The following ST6GALNAC5 variants were observed in gnomAD, a reference collection of about 807,000 sequenced individuals.
ST6GALNAC5 encodes the protein ST6 N-acetylgalactosaminide alpha-2,6-sialyltransferase 5.
ST6GALNAC5 carries 27 observed loss-of-function variants against 33.6 expected under a neutral mutation model. That is an observed-to-expected ratio of 0.80 (90% CI 0.59 to 1.11). ST6GALNAC5 has a LOEUF of 1.11. ST6GALNAC5 is among the 50% of genes least tolerant of loss of function. The probability of loss-of-function intolerance (pLI) is 0.00; values close to 1 mark genes in which losing one functional copy is unlikely to be tolerated. For synonymous variants in ST6GALNAC5, 194 were observed against 171.2 expected (o/e 1.13, Z -1.04); for missense variants, 428 against 454.0 (o/e 0.94, Z 0.52).
At chr1:77,018,918 C>T (rs1023419747) in intron 2 of ST6GALNAC5, among the ~76,000 whole-genome samples, 2 of 152,166 alleles carry the variant, frequency 1.3e-5, no homozygotes, top group Non-Finnish European at 2.9e-5. Flanking sequence ...TTAACAGATG[C>T]AAATGGCATT....
intron 2 of ST6GALNAC5, among the ~76,000 whole-genome samples, chr1:76,924,020 A>G (rs1186839171): frequency 2.6e-5 from 4 of 152,250 alleles, no homozygotes; most frequent in African/African-American, 9.6e-5. Context: ...ATGGTACAAA[A>G]ATGTGATGCC....
intron 2 of ST6GALNAC5, among the ~76,000 whole-genome samples, chr1:76,979,001 A>T (rs1649136130): frequency 6.6e-6 from 1 of 152,176 alleles, no homozygotes; most frequent in Non-Finnish European, 1.5e-5. Flanking sequence ...CTGAAAAAGA[A>T]ATCAAGAAAG....
At chr1:76,980,105 A>G in intron 2 of ST6GALNAC5, among the ~76,000 whole-genome samples, 1 of 152,222 alleles carries the variant, frequency 6.6e-6, no homozygotes, top group Non-Finnish European at 1.5e-5. Flanking sequence ...AATTAAGATT[A>G]ATTTTAAAAA....
In ST6GALNAC5 at chr1:76,993,313, G is replaced by C. The variant is rs796812513; in HGVS notation, c.262-50891G>C. On this transcript the variant is annotated intron_variant, in intron 2 of 4. Transcript: ENST00000477717. ...CCCTACAGGCCAGGGCTGTATTGTA[G>C]TTTTCTTTGTCATCCTACCCATCAG... Among the ~76,000 whole-genome samples, 14 of 152,250 alleles carry C rather than the reference G, an allele frequency of 9.2e-5. 1 individual carries two copies. The highest frequency in any genetic ancestry group is 3.4e-4 in the African/African-American group (14 of 41,570).
Position 77,022,064 on chromosome 1 carries a change from A to G in ST6GALNAC5, c.262-22140A>G, listed in dbSNP as rs547972933. On this transcript the variant is annotated intron_variant, in intron 2 of 4. Transcript: ENST00000477717. ...ACATCTAGGGAAGTGCTATCTGGGAAGTGGCCAGTTCCTAGAAGCCCAGCA... is the reference window on the plus strand; with the variant it reads ...ACATCTAGGGAAGTGCTATCTGGGAGGTGGCCAGTTCCTAGAAGCCCAGCA... Among the ~76,000 whole-genome samples, 3 of 152,300 alleles carry G rather than the reference A, an allele frequency of 2.0e-5. No homozygotes were observed. In the South Asian group the frequency reaches 6.2e-4, roughly 32 times the overall value.
At chr1:76,950,031 A>C (rs573482495) in intron 2 of ST6GALNAC5, among the ~76,000 whole-genome samples, 6 of 152,306 alleles carry the variant, frequency 3.9e-5, no homozygotes, top group African/African-American at 1.4e-4. Flanking sequence ...CTTGTCACAC[A>C]GTACTGTGGA....
At chr1:76,938,161 C>A (rs1436253505) in intron 2 of ST6GALNAC5, among the ~76,000 whole-genome samples, 1 of 152,022 alleles carries the variant, frequency 6.6e-6, no homozygotes, top group East Asian at 1.9e-4. Context: ...TATGGCATCT[C>A]TCCAGTAAGA....
chr1:76,964,484 C>T (rs1024796601), intron 2 of ST6GALNAC5, among the ~76,000 whole-genome samples: 2 of 152,124 alleles, frequency 1.3e-5, no homozygotes, highest in African/African-American at 2.4e-5. Flanking sequence ...GAAGTTCCCC[C>T]TCAGAGATAA....
intron 2 of ST6GALNAC5, among the ~76,000 whole-genome samples, chr1:76,986,982 A>G (rs555121874): frequency 6.6e-6 from 1 of 152,288 alleles, no homozygotes; most frequent in South Asian, 2.1e-4. Context: ...TCAGTTGGAC[A>G]CAGGGCAAGG....
intron 2 of ST6GALNAC5, among the ~76,000 whole-genome samples, chr1:76,939,089 T>C (rs1160837274): frequency 6.6e-6 from 1 of 152,036 alleles, no homozygotes; most frequent in Non-Finnish European, 1.5e-5. Context: ...TGGGTGGTTA[T>C]GGCTTCAGCC....
At chr1:76,942,442 A>C (rs1647369575) in intron 2 of ST6GALNAC5, among the ~76,000 whole-genome samples, 1 of 152,108 alleles carries the variant, frequency 6.6e-6, no homozygotes, top group African/African-American at 2.4e-5. Flanking sequence ...AAATCATTGG[A>C]GCAGTTGATA....
At chr1:76,967,694 CT>C (rs1359526577) in intron 2 of ST6GALNAC5, among the ~76,000 whole-genome samples, 1 of 152,170 alleles carries the variant, frequency 6.6e-6, no homozygotes, top group Non-Finnish European at 1.5e-5. Flanking sequence ...AATTTTAGAT[CT>C]TTCCTGCTTT....
intron 2 of ST6GALNAC5, among the ~76,000 whole-genome samples, chr1:77,042,057 C>T (rs953184389): frequency 5.3e-5 from 8 of 152,274 alleles, no homozygotes; most frequent in East Asian, 3.9e-4. Context: ...ACACTGCCAC[C>T]GCCTTACAGT....
chr1:76,875,891 G>A (rs761092372), intron 2 of ST6GALNAC5, among the ~76,000 whole-genome samples: 25 of 152,150 alleles, frequency 1.6e-4, no homozygotes, highest in Non-Finnish European at 2.9e-4. Context: ...CCAGTCCACC[G>A]TTCTATAAAT....
intron 2 of ST6GALNAC5, among the ~76,000 whole-genome samples, chr1:76,906,670 A>C (rs1412496303): frequency 1.3e-5 from 2 of 152,176 alleles, no homozygotes; most frequent in Non-Finnish European, 2.9e-5. Flanking sequence ...TCTCTTAAAT[A>C]GGAAGGTGTA....
At chr1:76,927,710 CT>C (rs1358981017) in intron 2 of ST6GALNAC5, among the ~76,000 whole-genome samples, 2 of 151,942 alleles carry the variant, frequency 1.3e-5, no homozygotes, top group South Asian at 2.1e-4. Flanking sequence ...GAGGTCTTTT[CT>C]TTTTTTCCTT....
In ST6GALNAC5 at chr1:77,050,383, A is replaced by G. The variant is rs1401143476; in HGVS notation, c.779+18A>G. ...TTCTGCAGGTAGGATTTATTCTGCA[A>G]GTGTAAATCATCAGCCGTGTTGTGC... is the stretch of plus-strand genomic sequence containing the variant. On this transcript the variant is annotated intron_variant, in intron 4 of 4. Transcript: ENST00000477717. 6.2e-7 allele frequency: 1 copy of G among 1,602,438 alleles called. No homozygotes were observed. The highest frequency in any genetic ancestry group is 8.6e-7 in the Non-Finnish European group (1 of 1,169,496).
At chr1:76,927,347 T>C (rs1647095907) in intron 2 of ST6GALNAC5, among the ~76,000 whole-genome samples, 1 of 152,156 alleles carries the variant, frequency 6.6e-6, no homozygotes, top group East Asian at 1.9e-4. Flanking sequence ...TCAACACTAA[T>C]AGTGCTGTAT....
intron 2 of ST6GALNAC5, among the ~76,000 whole-genome samples, chr1:77,039,319 T>G (rs1262398508): frequency 6.6e-6 from 1 of 152,244 alleles, no homozygotes; most frequent in Admixed American, 6.5e-5. Flanking sequence ...TGGTCCTTAC[T>G]GTGTCCCGGG....
Sources: gnomAD v4.1 joint callset for allele counts (sites outside exome capture counted in the v4.1 genomes callset) on GRCh38, gnomAD v4.1.1 for gene constraint, MANE v1.5 for transcripts, NCBI Gene and HGNC (gene_info 2026-07-23, HGNC 2026-07-21) for gene names.